The following NELL1 variants were observed in gnomAD, a reference collection of about 807,000 sequenced individuals.
The protein encoded by NELL1 is protein kinase C-binding protein NELL1.
NELL1 carries 76 observed loss-of-function variants against 107.4 expected under a neutral mutation model. The ratio of observed to expected loss-of-function variants is 0.71; its 90% CI spans 0.59 to 0.86. The LOEUF is 0.86. NELL1 is among the 40% of genes least tolerant of loss of function. The probability of loss-of-function intolerance (pLI) is 0.00; values close to 1 mark genes in which losing one functional copy is unlikely to be tolerated. For synonymous variants in NELL1, 353 were observed against 341.2 expected (o/e 1.03, Z -0.38); for missense variants, 1,024 against 1,005.5 (o/e 1.02, Z -0.25).
At chr11:21,543,535 G>A (rs575457101) in intron 16 of NELL1, among the ~76,000 whole-genome samples, 3 of 152,074 alleles carry the variant, frequency 2.0e-5, no homozygotes, top group South Asian at 4.1e-4. Context: ...AGAACATTTT[G>A]CAACATCTAA....
intron 15 of NELL1, among the ~76,000 whole-genome samples, chr11:21,422,559 G>A (rs1852707718): frequency 1.3e-5 from 2 of 152,156 alleles, no homozygotes; most frequent in South Asian, 4.2e-4. Context: ...AAAGTGAGGA[G>A]GAAGCTGTAA....
At chr11:21,497,333 G>C (rs1855008840) in intron 15 of NELL1, among the ~76,000 whole-genome samples, 1 of 152,040 alleles carries the variant, frequency 6.6e-6, no homozygotes, top group African/African-American at 2.4e-5. Flanking sequence ...AAAAAAAGTA[G>C]ACCAAATATT....
intron 14 of NELL1, among the ~76,000 whole-genome samples, chr11:21,365,475 G>A (rs988006122): frequency 3.3e-5 from 5 of 152,132 alleles, no homozygotes; most frequent in Non-Finnish European, 7.4e-5. Context: ...ATGGAATTAT[G>A]ATATCAGGCT....
At chr11:21,224,554 C>T (rs1232626653) in intron 13 of NELL1, among the ~76,000 whole-genome samples, 2 of 152,040 alleles carry the variant, frequency 1.3e-5, no homozygotes, top group East Asian at 3.9e-4. Context: ...TTTTCTATGC[C>T]ATTTCCCATC....
intron 13 of NELL1, among the ~76,000 whole-genome samples, chr11:21,216,113 C>T (rs571266852): frequency 6.6e-6 from 1 of 152,260 alleles, no homozygotes; most frequent in African/African-American, 2.4e-5. Flanking sequence ...GGCCAGGGTA[C>T]AGCTTTTCCC....
chr11:21,463,073 A>AT (rs1853939400), intron 15 of NELL1, among the ~76,000 whole-genome samples: 1 of 152,046 alleles, frequency 6.6e-6, no homozygotes, highest in African/African-American at 2.4e-5. Flanking sequence ...CCTATCAAAA[A>AT]TACCTAAATT....
At chr11:20,748,069 A>G (rs939609796) in intron 2 of NELL1, among the ~76,000 whole-genome samples, 1 of 152,180 alleles carries the variant, frequency 6.6e-6, no homozygotes, top group South Asian at 2.1e-4. Context: ...GCCCTCCAAC[A>G]TGTCAGTTCA....
chr11:21,538,639 G>T (rs923065115), intron 16 of NELL1, among the ~76,000 whole-genome samples: 1 of 151,932 alleles, frequency 6.6e-6, no homozygotes, highest in Non-Finnish European at 1.5e-5. Flanking sequence ...AGGGTACAAT[G>T]CACTCTGTGT....
intron 14 of NELL1, among the ~76,000 whole-genome samples, chr11:21,278,756 G>A (rs984051050): frequency 1.3e-5 from 2 of 152,280 alleles, no homozygotes; most frequent in Non-Finnish European, 2.9e-5. Flanking sequence ...ATCGTAGGGA[G>A]TTACTTTGTG....
chr11:21,486,092 G>A (rs530047812), intron 15 of NELL1, among the ~76,000 whole-genome samples: 3 of 151,950 alleles, frequency 2.0e-5, no homozygotes, highest in African/African-American at 4.8e-5. Flanking sequence ...ATAGACCAGG[G>A]GCCCTAAAAC....
chr11:20,911,660 A>T (rs867438966), intron 5 of NELL1, among the ~76,000 whole-genome samples: 2 of 152,190 alleles, frequency 1.3e-5, no homozygotes, highest in South Asian at 4.1e-4. Flanking sequence ...TGGAAACATC[A>T]AAAGGTGATG....
intron 14 of NELL1, among the ~76,000 whole-genome samples, chr11:21,315,578 A>G (rs577752077): frequency 6.6e-6 from 1 of 152,334 alleles, no homozygotes; most frequent in Non-Finnish European, 1.5e-5. Flanking sequence ...AGATCACTGC[A>G]TTAGTAAGCT....
At chr11:21,342,049 C>T (rs1850579062) in intron 14 of NELL1, among the ~76,000 whole-genome samples, 1 of 152,128 alleles carries the variant, frequency 6.6e-6, no homozygotes, top group Non-Finnish European at 1.5e-5. Context: ...ATAGCAATAC[C>T]ATGGACTGTA....
chr11:21,229,503 G>C, intron 14 of NELL1, 49 bp downstream of exon 14: 1 of 1,610,254 alleles, frequency 6.2e-7, no homozygotes, highest in Non-Finnish European at 8.5e-7. Context: ...TTCTGCCTGG[G>C]CTCTTGGCAC....
chr11:21,499,074 T>C (rs1564926339), intron 15 of NELL1, among the ~76,000 whole-genome samples: 1 of 152,102 alleles, frequency 6.6e-6, no homozygotes, highest in Non-Finnish European at 1.5e-5. Context: ...ACATGTTTGT[T>C]ACACTATTAA....
chr11:21,403,069 G>A (rs1385791803), intron 15 of NELL1, among the ~76,000 whole-genome samples: 5 of 151,740 alleles, frequency 3.3e-5, no homozygotes, highest in African/African-American at 1.2e-4. Flanking sequence ...ACTGTTTGCT[G>A]CTGAGGTGGA....
chr11:21,181,217 T>A (rs938370336), intron 13 of NELL1, among the ~76,000 whole-genome samples: 1 of 151,874 alleles, frequency 6.6e-6, no homozygotes, highest in East Asian at 1.9e-4. Context: ...ATTGTATTTA[T>A]GGGGGAAAAG....
chr11:20,722,513 A>T (rs1407277412), intron 2 of NELL1, among the ~76,000 whole-genome samples: 2 of 152,342 alleles, frequency 1.3e-5, no homozygotes, highest in East Asian at 1.9e-4. Flanking sequence ...GGATTTAGTG[A>T]TTTAAAACAT....
At chr11:21,049,592 A>G (rs1853441310) in intron 12 of NELL1, among the ~76,000 whole-genome samples, 1 of 152,186 alleles carries the variant, frequency 6.6e-6, no homozygotes, top group South Asian at 2.1e-4. Flanking sequence ...GTGGAACTGC[A>G]CATAAACACC....
Sources: gnomAD v4.1 joint callset for allele counts (sites outside exome capture counted in the v4.1 genomes callset) on GRCh38, gnomAD v4.1.1 for gene constraint, MANE v1.5 for transcripts, NCBI Gene and HGNC (gene_info 2026-07-23, HGNC 2026-07-21) for gene names.